PRUNE2: variants seen among roughly 807,000 people sequenced by gnomAD.
PRUNE2 encodes protein prune homolog 2.
In PRUNE2, 164 loss-of-function variants were observed where a neutral mutation model predicts 252.0. That is an observed-to-expected ratio of 0.65 (90% CI 0.57 to 0.74). The LOEUF is 0.74. PRUNE2 is among the 30% of genes least tolerant of loss of function. PRUNE2 has a pLI of 0.00. For synonymous variants in PRUNE2, 1,292 were observed against 1,350.2 expected (o/e 0.96, Z 0.94); for missense variants, 3,495 against 3,711.0 (o/e 0.94, Z 1.51).
chr9:76,645,488 T>C (rs1844424543), intron 11 of PRUNE2, among the ~76,000 whole-genome samples: 1 of 152,164 alleles, frequency 6.6e-6, no homozygotes, highest in African/African-American at 2.4e-5. Context: ...TTTCAAAATA[T>C]GCCACACCAA....
At chr9:76,901,251 C>A (rs1443959294) in intron 1 of PRUNE2, among the ~76,000 whole-genome samples, 1 of 152,218 alleles carries the variant, frequency 6.6e-6, no homozygotes, top group Non-Finnish European at 1.5e-5. Context: ...GTTCATTCCT[C>A]ATCAGCCCCT....
intron 9 of PRUNE2, among the ~76,000 whole-genome samples, chr9:76,658,361 TC>T (rs1159460017): frequency 6.6e-6 from 1 of 151,108 alleles, no homozygotes; most frequent in East Asian, 1.9e-4. Context: ...TCCGTCCCAC[TC>T]CCCCCCAAAA....
intron 6 of PRUNE2, among the ~76,000 whole-genome samples, chr9:76,776,613 C>T (rs1484808423): frequency 7.1e-6 from 1 of 140,960 alleles, no homozygotes; most frequent in Non-Finnish European, 1.5e-5. Flanking sequence ...CTCCCGAGTT[C>T]AAGCAATTCT....
At position 76,710,134 on chromosome 9, in the gene PRUNE2, C is replaced by G; in HGVS notation, c.2140G>C (p.Gly714Arg). 1 of 1,613,952 alleles carries G rather than the reference C, an allele frequency of 6.2e-7. No individual in the cohort carries two copies. Among genetic ancestry groups the G allele is most frequent in the Non-Finnish European group, 8.5e-7 (1 of 1,179,878 alleles). ...TGACCAAATTCAGACTCCCAGGGAC[C>G]TGACTTTGTAAATTCGAGGCTCTTT... ...QPKSLEFTKS[G>R]PWESEFGQPE... Residue 714 changes from glycine (G) to arginine (R), a missense_variant, in exon 8 of 19, where the codon GGT becomes CGT. By Grantham distance (125) the Gly-to-Arg change is moderately radical (BLOSUM62 -2). Transcript: ENST00000376718.
intron 4 of PRUNE2, among the ~76,000 whole-genome samples, chr9:76,833,914 C>T (rs1449602977): frequency 7.0e-6 from 1 of 142,616 alleles, no homozygotes; most frequent in African/African-American, 2.6e-5. Context: ...TGGAGTCTTG[C>T]TTGGTCGCCC....
At chr9:76,721,264 G>A (rs563345901) in intron 6 of PRUNE2, among the ~76,000 whole-genome samples, 12 of 152,232 alleles carry the variant, frequency 7.9e-5, no homozygotes, top group African/African-American at 2.4e-4. Flanking sequence ...TTTTCCTTCA[G>A]CTAAATCACA....
chr9:76,697,870 G>C (rs1011218714), intron 9 of PRUNE2, among the ~76,000 whole-genome samples: 1 of 152,118 alleles, frequency 6.6e-6, no homozygotes, highest in Non-Finnish European at 1.5e-5. Flanking sequence ...TGTCATTTGG[G>C]TGGACCAAAG....
intron 18 of PRUNE2, among the ~76,000 whole-genome samples, chr9:76,615,774 T>TTTTG (rs1564311460): frequency 2.2e-5 from 3 of 136,082 alleles, no homozygotes; most frequent in African/African-American, 8.4e-5. Flanking sequence ...GTGTGGTTTT[T>TTTTG]TTTTTTTTTT....
At position 76,614,229 on chromosome 9, in the gene PRUNE2, T is replaced by A. The variant is rs192972581; in HGVS notation, c.*341A>T. On this transcript the variant is annotated 3_prime_UTR_variant, in exon 19 of 19. Transcript: ENST00000376718. ...TAATCTATGGAAACAAATCCACTCA[T>A]ACTTAACAGTGGATTAAAGGTATCT... 3.3e-5 allele frequency: 10 copies of A among 298,974 alleles called. No homozygotes were observed. The highest frequency in any genetic ancestry group is 1.7e-4 in the East Asian group (2 of 11,464). 18.5% of individuals were successfully genotyped at this position (298,974 alleles called of 1,614,324 possible).
chr9:76,883,452 A>G (rs1010012464), intron 1 of PRUNE2, among the ~76,000 whole-genome samples: 1 of 152,250 alleles, frequency 6.6e-6, no homozygotes, highest in African/African-American at 2.4e-5. Flanking sequence ...CTAACCATGT[A>G]GCACTTAGCA....
At position 76,707,484 on chromosome 9, in the gene PRUNE2, G is replaced by A. The variant is rs371689384; in HGVS notation, c.4790C>T (p.Thr1597Ile). 6.2e-7 allele frequency: 1 copy of A among 1,613,532 alleles called. No individual in the cohort carries two copies. The highest frequency in any genetic ancestry group is 1.3e-5 in the African/African-American group (1 of 74,826). ...GTTTTTCTCTAAATCCTTCACTTTG[G>A]TAACTATTTCTACTTGGCCATCAGT... ...ITTDGQVEIV[T>I]KVKDLEKNRI... The change falls in exon 8 of 19, where the codon ACC becomes ATC. Residue 1597 changes from threonine to isoleucine, a missense_variant. Coordinates refer to ENST00000376718, the MANE Select transcript of PRUNE2 (RefSeq NM_015225.3).
intron 15 of PRUNE2, 58 bp downstream of exon 15, chr9:76,636,413 G>A: frequency 3.4e-6 from 3 of 875,282 alleles, no homozygotes; most frequent in Non-Finnish European, 5.5e-6. Flanking sequence ...AGGACAATGA[G>A]TACATATTTT....
At chr9:76,857,084 T>C (rs1197354776) in intron 1 of PRUNE2, 1 of 455,904 alleles carries the variant, frequency 2.2e-6, no homozygotes, top group East Asian at 7.0e-5. Flanking sequence ...GTCTCTCATT[T>C]CTCTCCTCAC....
chr9:76,666,873 C>G (rs4745568), intron 9 of PRUNE2, among the ~76,000 whole-genome samples: 32,897 of 151,940 alleles, frequency 0.22, 3,735 homozygotes, highest in Admixed American at 0.29. Flanking sequence ...ATGGAGAAAC[C>G]CTGTCTCTAT....
chr9:76,722,203 C>T (rs905971877), intron 6 of PRUNE2, among the ~76,000 whole-genome samples: 7 of 150,844 alleles, frequency 4.6e-5, no homozygotes, highest in African/African-American at 7.3e-5. Flanking sequence ...GGATTACAGG[C>T]GTGTGCCACC....
chr9:76,642,001 T>TAAAAAAAAAAAAAAAAAAAAAAAA, intron 12 of PRUNE2: 2 of 1,010,456 alleles, frequency 2.0e-6, no homozygotes, highest in East Asian at 2.8e-5. Context: ...ATAAGAGAAG[T>TAAAAAAAAAAAAAAAAAAAAAAAA]AAAAAAAAAA....
chr9:76,729,630 A>G (rs188047341), intron 6 of PRUNE2, among the ~76,000 whole-genome samples: 54 of 152,266 alleles, frequency 3.5e-4, no homozygotes, highest in Non-Finnish European at 6.8e-4. Flanking sequence ...AATTTGGCTA[A>G]AGAGGTAAAC....
intron 12 of PRUNE2, among the ~76,000 whole-genome samples, chr9:76,642,519 T>C (rs1721946765): frequency 6.6e-6 from 1 of 152,204 alleles, no homozygotes; most frequent in Admixed American, 6.5e-5. Context: ...TTACAGTTTT[T>C]GGCACAGAGC....
rs1564277638 is a variant in PRUNE2 at position 76,776,333 on chromosome 9, C to CGA, written c.756+47298_756+47299insTC. ...CTCTCCGATGTTATTATTTCACTCTCTGTGTCCATGTGTACACACTGTTTA... is the reference window on the plus strand; with the variant it reads ...CTCTCCGATGTTATTATTTCACTCTCGATGTGTCCATGTGTACACACTGTTTA... On this transcript the variant is annotated intron_variant, in intron 6 of 18. Coordinates refer to ENST00000376718, the MANE Select transcript of PRUNE2 (RefSeq NM_015225.3). Among the ~76,000 whole-genome samples the CGA allele has an allele frequency of 3.2e-3, 489 of 152,174 alleles. 5 individuals carry two copies. Among genetic ancestry groups the CGA allele is most frequent in the African/African-American group, 0.012 (480 of 41,514 alleles).
Sources: gnomAD v4.1 joint callset for allele counts (sites outside exome capture counted in the v4.1 genomes callset) on GRCh38, gnomAD v4.1.1 for gene constraint, MANE v1.5 for transcripts, NCBI Gene and HGNC (gene_info 2026-07-23, HGNC 2026-07-21) for gene names.